Variants in MCMDC2 observed in about 807,000 individuals in gnomAD.
The protein encoded by MCMDC2 is minichromosome maintenance domain-containing protein 2.
In MCMDC2, 54 loss-of-function variants were observed where a neutral mutation model predicts 75.8. The observed-to-expected ratio is 0.71, with a 90% CI of 0.57 to 0.89. The LOEUF is 0.89. Among genes scored for constraint, MCMDC2 ranks in the 40% least tolerant of loss-of-function variants. MCMDC2 has a pLI of 0.00. For synonymous variants in MCMDC2, 249 were observed against 274.6 expected (o/e 0.91, Z 0.92); for missense variants, 656 against 780.4 (o/e 0.84, Z 1.90).
chr8:66,908,656 G>T (rs533805061), intron 14 of MCMDC2, among the ~76,000 whole-genome samples: 1 of 152,114 alleles, frequency 6.6e-6, no homozygotes, highest in Non-Finnish European at 1.5e-5. Context: ...CATCACCCAG[G>T]CTGGAGTGCA....
At chr8:66,902,708 AAAAATATAT>A (rs1274119849) in intron 13 of MCMDC2, among the ~76,000 whole-genome samples, 34 of 121,860 alleles carry the variant, frequency 2.8e-4, no homozygotes, top group Admixed American at 4.2e-4. Flanking sequence ...AAAAAAAAAA[AAAAATATAT>A]ATATATATAT....
rs540804243 is a variant in MCMDC2 at position 66,891,508 on chromosome 8, G to A, written c.1279+438G>A. Among the ~76,000 whole-genome samples the A allele has an allele frequency of 3.3e-5, 5 of 152,288 alleles. No individual in the cohort carries two copies. In the South Asian group the frequency reaches 1.0e-3, roughly 32 times the overall value. On this transcript the variant is annotated intron_variant, in intron 10 of 14. Coordinates refer to ENST00000422365, the MANE Select transcript of MCMDC2 (RefSeq NM_173518.5). ...CTTCTCTATTCCTAATTTTCCGAGA[G>A]GGTTTTTTTTAATCATAAATGGATA...
downstream of MCMDC2, chr8:66,925,549 G>A (rs1269201958): frequency 6.6e-6 from 1 of 152,300 alleles, no homozygotes; most frequent in African/African-American, 2.4e-5. Context: ...AAGGAAGAGC[G>A]ACATCGGAAG....
intron 4 of MCMDC2, among the ~76,000 whole-genome samples, chr8:66,875,485 G>C (rs1185848699): frequency 1.3e-5 from 2 of 152,018 alleles, no homozygotes; most frequent in Non-Finnish European, 2.9e-5. Context: ...CTCCATGTTG[G>C]TCAGGCTGGT....
At chr8:66,910,832 C>T (rs1813085185) in intron 14 of MCMDC2, among the ~76,000 whole-genome samples, 1 of 152,088 alleles carries the variant, frequency 6.6e-6, no homozygotes. Context: ...AAATTACTGC[C>T]TCGCTGGATT....
intron 14 of MCMDC2, among the ~76,000 whole-genome samples, chr8:66,907,436 G>A (rs2130858712): frequency 6.6e-6 from 1 of 152,268 alleles, no homozygotes; most frequent in African/African-American, 2.4e-5. Context: ...GTATTCCATG[G>A]TGTATATGTG....
At chr8:66,917,972 A>G (rs1308271451) in intron 14 of MCMDC2, among the ~76,000 whole-genome samples, 1 of 152,122 alleles carries the variant, frequency 6.6e-6, no homozygotes, top group Non-Finnish European at 1.5e-5. Context: ...TTTTTGATGA[A>G]CCGCCATCCT....
chr8:66,920,489 A>G lies in MCMDC2; in HGVS notation c.*1320A>G, dbSNP rs1049858593. 2 of 152,174 alleles carry G rather than the reference A, an allele frequency of 1.3e-5. No individual in the cohort carries two copies. The highest frequency in any genetic ancestry group is 1.9e-4 in the East Asian group (1 of 5,186). The allele number at this position is 152,174 out of a possible 1,614,324, so 9.4% of individuals were successfully genotyped here. On this transcript the variant is annotated 3_prime_UTR_variant, in exon 15 of 15. Transcript: ENST00000422365. The stretch of plus-strand genomic sequence containing the variant: ...GCCTGCCTCAGTCTCCCAAAGTGCT[A>G]AGACAACAGGTATGAGCCAACACGA...
At chr8:66,896,708 G>A in intron 11 of MCMDC2, 72 bp from the exon 12 acceptor site, 1 of 1,075,026 alleles carries the variant, frequency 9.3e-7, no homozygotes, top group Non-Finnish European at 1.3e-6. Context: ...TAATTACTTT[G>A]TAATTAATTA....
At chr8:66,876,108 A>G (rs1003065205) in intron 4 of MCMDC2, among the ~76,000 whole-genome samples, 10 of 152,144 alleles carry the variant, frequency 6.6e-5, no homozygotes, top group African/African-American at 1.9e-4. Flanking sequence ...CCATTATACA[A>G]TTTCCCATCA....
downstream of MCMDC2, among the ~76,000 whole-genome samples, chr8:66,922,888 T>G (rs964016742): frequency 1.1e-4 from 16 of 152,188 alleles, no homozygotes; most frequent in Non-Finnish European, 1.9e-4. Flanking sequence ...AAAGTACTAT[T>G]ATTCTATTAC....
chr8:66,905,212 A>G lies in MCMDC2; in HGVS notation c.1770-14A>G, dbSNP rs1411346339. The G allele has an allele frequency of 5.0e-6, 7 of 1,392,512 alleles. No individual in the cohort carries two copies. The highest frequency in any genetic ancestry group is 1.5e-5 in the African/African-American group (1 of 67,008). The allele number at this position is 1,392,512 out of a possible 1,614,324, so 86.3% of individuals were successfully genotyped here. The stretch of plus-strand genomic sequence containing the variant: ...TATCAACATATTTTCTTTGGCAACT[A>G]TTTTCTTTTTTAGCGTTTTCCTATC... On this transcript the variant is annotated splice_polypyrimidine_tract_variant and intron_variant, in intron 13 of 14. Coordinates refer to ENST00000422365, the MANE Select transcript of MCMDC2 (RefSeq NM_173518.5).
rs573588370 is a variant in MCMDC2 at position 66,915,285 on chromosome 8, C to G, written c.1880-3718C>G. On this transcript the variant is annotated intron_variant, in intron 14 of 14. Transcript: ENST00000422365. ...TGGCCAACATGGTGAAACCCTGTCT[C>G]TACTAAAAAGACAAAAATTAGTTGG... Among the ~76,000 whole-genome samples, 23 of 152,012 alleles carry G rather than the reference C, an allele frequency of 1.5e-4. No individual in the cohort carries two copies. The East Asian group carries it at 1.7e-3, about 12-fold the overall frequency.
intron 5 of MCMDC2, 46 bp downstream of exon 5, chr8:66,877,590 C>A: frequency 7.1e-7 from 1 of 1,408,496 alleles, no homozygotes; most frequent in South Asian, 1.3e-5. Flanking sequence ...ATTGGCTAGG[C>A]ATGGTGGCTC....
intron 14 of MCMDC2, among the ~76,000 whole-genome samples, chr8:66,918,672 C>CTATA (rs1381453831): frequency 2.0e-5 from 3 of 152,144 alleles, no homozygotes; most frequent in Non-Finnish European, 4.4e-5. Context: ...ACTATAATGA[C>CTATA]TATTTCAGTA....
rs1473331589 is a variant in MCMDC2, at chr8:66,911,441, T to C, written c.1879+6106T>C. ...TGTGAGTCAATTAAACCTCTTTCCT[T>C]TATAAATTACCCAGTTTTGGGCAGT... is the stretch of plus-strand genomic sequence containing the variant. On this transcript the variant is annotated intron_variant, in intron 14 of 14. Transcript: ENST00000422365. 2.6e-5 allele frequency among the ~76,000 whole-genome samples: 4 copies of C among 152,208 alleles called. No individual in the cohort carries two copies. The East Asian group carries it at 5.8e-4, about 22-fold the overall frequency.
At chr8:66,906,926 G>A (rs1026916323) in intron 14 of MCMDC2, among the ~76,000 whole-genome samples, 8 of 151,734 alleles carry the variant, frequency 5.3e-5, no homozygotes, top group African/African-American at 1.9e-4. Flanking sequence ...GCGCCACCAC[G>A]CCCAGCTAAT....
At chr8:66,874,904 C>A (rs1365508931) in intron 4 of MCMDC2, among the ~76,000 whole-genome samples, 1 of 151,422 alleles carries the variant, frequency 6.6e-6, no homozygotes, top group Non-Finnish European at 1.5e-5. Flanking sequence ...TACAGGTGCC[C>A]ACCACCACGC....
At chr8:66,893,216 A>T (rs1179889025) in intron 10 of MCMDC2, among the ~76,000 whole-genome samples, 1 of 152,216 alleles carries the variant, frequency 6.6e-6, no homozygotes, top group Admixed American at 6.5e-5. Flanking sequence ...TTATAAGAGA[A>T]TGCAGAAATT....
Sources: allele counts gnomAD v4.1 joint callset (sites outside exome capture counted in the v4.1 genomes callset), GRCh38; gene constraint gnomAD v4.1.1; transcripts MANE v1.5; gene names NCBI Gene and HGNC (gene_info 2026-07-23, HGNC 2026-07-21).